The following PML variants were observed in gnomAD, a reference collection of about 807,000 sequenced individuals.
The protein encoded by PML is PML nuclear body scaffold.
Under a neutral mutation model 65.2 loss-of-function variants are expected in PML, and 28 were observed. That is an observed-to-expected ratio of 0.43 (90% CI 0.32 to 0.59). The LOEUF (loss-of-function observed/expected upper bound fraction) is 0.59, where lower values mean the gene tolerates loss of function less well. Among genes scored for constraint, PML ranks in the 20% least tolerant of loss-of-function variants. The pLI is 0.08. For synonymous variants in PML, 500 were observed against 508.8 expected (o/e 0.98, Z 0.23); for missense variants, 1,021 against 1,203.4 (o/e 0.85, Z 2.24).
In PML at chr15:73,998,245, A is replaced by G. The variant is rs1279833875; in HGVS notation, c.371A>G (p.Asp124Gly). ...CTGTCGGTGTACCGGCAGATTGTGGATGCGCAGGCTGTGTGCACCCGCTGC... is the reference window on the plus strand; with the variant it reads ...CTGTCGGTGTACCGGCAGATTGTGGGTGCGCAGGCTGTGTGCACCCGCTGC... ...RRLSVYRQIVDAQAVCTRCKE... is the reference protein window; with the variant it reads ...RRLSVYRQIVGAQAVCTRCKE... Residue 124 changes from aspartate to glycine, a missense_variant, in exon 2 of 9, where the codon GAT becomes GGT. Transcript: ENST00000268058. The G allele has an allele frequency of 6.2e-7, 1 of 1,614,062 alleles. No individual in the cohort carries two copies. The highest frequency in any genetic ancestry group is 8.5e-7 in the Non-Finnish European group (1 of 1,180,034).
chr15:73,997,812 T>A (rs1421592354), intron 1 of PML, among the ~76,000 whole-genome samples, 192 bp from the exon 2 acceptor site: 3 of 152,204 alleles, frequency 2.0e-5, no homozygotes, highest in Non-Finnish European at 4.4e-5. Context: ...CAATAAATGG[T>A]GCAGTGAGAG....
At chr15:74,018,516 TA>T (rs1213135500) in intron 2 of PML, among the ~76,000 whole-genome samples, 1 of 152,102 alleles carries the variant, frequency 6.6e-6, no homozygotes, top group Admixed American at 6.5e-5. Context: ...TTTTTTAATT[TA>T]AAAAAAGTTT....
At position 73,998,273 on chromosome 15, in the gene PML, A is replaced by T; in HGVS notation, c.399A>T (p.Lys133Asn). ...CGCAGGCTGTGTGCACCCGCTGCAAAGAGTCGGCCGACTTCTGGTGCTTTG... is the reference window on the plus strand; with the variant it reads ...CGCAGGCTGTGTGCACCCGCTGCAATGAGTCGGCCGACTTCTGGTGCTTTG... ...VDAQAVCTRC[K>N]ESADFWCFEC... is the part of the protein sequence containing the mutation. The change falls in exon 2 of 9, where the codon AAA becomes AAT. Residue 133 changes from lysine (K) to asparagine (N), a missense_variant. Transcript: ENST00000268058. The T allele has an allele frequency of 6.2e-7, 1 of 1,614,192 alleles. No individual in the cohort carries two copies. Among genetic ancestry groups the T allele is most frequent in the Non-Finnish European group, 8.5e-7 (1 of 1,180,032 alleles).
At position 74,037,875 on chromosome 15, in the gene PML, A is replaced by AGC. The variant is rs1169094359; in HGVS notation, c.1710+3346_1710+3347dup. The AGC allele has an allele frequency of 4.3e-6, 1 of 234,302 alleles. No individual in the cohort carries two copies. The highest frequency in any genetic ancestry group is 1.8e-4 in the East Asian group (1 of 5,518). 14.5% of individuals were successfully genotyped at this position (234,302 alleles called of 1,614,324 possible). On this transcript the variant is annotated intron_variant, in intron 7 of 8. Transcript: ENST00000268058. The surrounding 1 kb of genome is among the most constrained non-coding windows in gnomAD (Gnocchi z 4.2). ...CTGACTTCAGTTACTGCCCAGGGGTAGCTGATACCCAACACTCGCACCTGC... is the reference window on the plus strand; with the variant it reads ...CTGACTTCAGTTACTGCCCAGGGGTAGCGCTGATACCCAACACTCGCACCTGC...
At chr15:74,029,476 T>G (rs1165508980) in intron 4 of PML, among the ~76,000 whole-genome samples, 1 of 151,894 alleles carries the variant, frequency 6.6e-6, no homozygotes, top group Non-Finnish European at 1.5e-5. Flanking sequence ...ATACAAACAT[T>G]AGCCGGGCGT....
Position 74,023,033 on chromosome 15 carries a change from C to G in PML, c.808C>G (p.Arg270Gly). The G allele has an allele frequency of 6.2e-7, 1 of 1,605,100 alleles. No homozygotes were observed. The highest frequency in any genetic ancestry group is 8.5e-7 in the Non-Finnish European group (1 of 1,178,230). ...GCACGCGGCCGTCGGCCAGCTGGGCCGCGCGCGTGCCGAGACCGAGGAGCT... is the reference window on the plus strand; with the variant it reads ...GCACGCGGCCGTCGGCCAGCTGGGCGGCGCGCGTGCCGAGACCGAGGAGCT... ...QMHAAVGQLG[R>G]ARAETEELIR... The change falls in exon 3 of 9, where the codon CGC (arginine) becomes GGC (glycine). Residue 270 changes from arginine to glycine, a missense_variant. Physicochemically the swap from Arg to Gly is moderately radical, Grantham distance 125 (BLOSUM62 -2). Transcript: ENST00000268058.
intron 4 of PML, among the ~76,000 whole-genome samples, chr15:74,029,900 C>G (rs926136481): frequency 6.6e-6 from 1 of 152,144 alleles, no homozygotes; most frequent in African/African-American, 2.4e-5. Flanking sequence ...GGCTCACACT[C>G]TCTAATCCAG....
intron 7 of PML, chr15:74,034,939 A>G: frequency 6.9e-7 from 1 of 1,457,020 alleles, no homozygotes; most frequent in Non-Finnish European, 9.0e-7. Flanking sequence ...GCAGCTATAT[A>G]GGGGCCAAAC....
intron 2 of PML, among the ~76,000 whole-genome samples, chr15:74,018,567 T>G (rs1203340689): frequency 6.6e-6 from 1 of 152,126 alleles, no homozygotes; most frequent in Non-Finnish European, 1.5e-5. Context: ...CAGGCTGGCC[T>G]GGAACTCCTG....
chr15:74,009,306 T>C (rs1460761526), intron 2 of PML, among the ~76,000 whole-genome samples: 1 of 152,200 alleles, frequency 6.6e-6, no homozygotes, highest in Non-Finnish European at 1.5e-5. Flanking sequence ...GATTGAAGGA[T>C]TGGCACCTAT....
At position 74,035,219 on chromosome 15, in the gene PML, C is replaced by T. The variant is rs1208454528; in HGVS notation, c.1710+689C>T. 1.3e-6 allele frequency: 2 copies of T among 1,539,918 alleles called. No homozygotes were observed. ...CCGAGCCACAGTCCTCGCCAGCCCA[C>T]TCCTCGCCAGCCCACTCCTCGCCAG... On this transcript the variant is annotated intron_variant, in intron 7 of 8. Transcript: ENST00000268058. This position sits in a 1 kb window ranked among gnomAD's most constrained non-coding sequence, Gnocchi z 4.1.
chr15:74,022,704 C>G (rs1033736358), intron 2 of PML, 124 bp from the exon 3 acceptor site: 13 of 822,540 alleles, frequency 1.6e-5, no homozygotes, highest in African/African-American at 6.7e-5. Context: ...TTAGGAAAAG[C>G]AGAAACCTAG....
rs751063469 is a variant in PML at position 74,035,584 on chromosome 15, C to A, written c.1710+1054C>A. The A allele has an allele frequency of 3.7e-6, 6 of 1,612,190 alleles. No homozygotes were observed. The South Asian group carries it at 6.6e-5, about 18-fold the overall frequency. ...GGGCCCCTCAACCATCCTGCCAATG[C>A]CCAGGAACATCCTGCCCAGCTGCAA... On this transcript the variant is annotated intron_variant, in intron 7 of 8. Coordinates refer to ENST00000268058, the MANE Select transcript of PML (RefSeq NM_033238.3). The surrounding 1 kb of genome is among the most constrained non-coding windows in gnomAD (Gnocchi z 4.1).
At chr15:74,010,269 G>A (rs1203168239) in intron 2 of PML, among the ~76,000 whole-genome samples, 2 of 141,002 alleles carry the variant, frequency 1.4e-5, no homozygotes, top group African/African-American at 2.7e-5. Context: ...CTGAGCTCAG[G>A]CAATCCACCT....
intron 3 of PML, 63 bp from the exon 4 acceptor site, chr15:74,024,794 A>C (rs2071000439): frequency 1.7e-6 from 2 of 1,148,872 alleles, no homozygotes; most frequent in Non-Finnish European, 2.6e-6. Context: ...TCACTGTCCC[A>C]GGTCAGGATG....
chr15:74,035,846 A>C lies in PML; in HGVS notation c.1710+1316A>C. 6.2e-7 allele frequency: 1 copy of C among 1,613,864 alleles called. No homozygotes were observed. The highest frequency in any genetic ancestry group is 1.1e-5 in the South Asian group (1 of 91,074). On this transcript the variant is annotated intron_variant, in intron 7 of 8. Transcript: ENST00000268058. The surrounding 1 kb of genome is among the most constrained non-coding windows in gnomAD (Gnocchi z 4.1). ...TCAGAGGCTCCATGGAGGCCTCTCA[A>C]GTCCAAGTGCCTCTGGAAGCCTCTC...
chr15:74,021,716 T>C (rs1182641592), intron 2 of PML, among the ~76,000 whole-genome samples: 1 of 151,982 alleles, frequency 6.6e-6, no homozygotes, highest in African/African-American at 2.4e-5. Flanking sequence ...TACTAAAGTG[T>C]TGTCCATATT....
At chr15:74,012,498 T>A (rs2070379972) in intron 2 of PML, among the ~76,000 whole-genome samples, 1 of 151,876 alleles carries the variant, frequency 6.6e-6, no homozygotes, top group African/African-American at 2.4e-5. Flanking sequence ...TTAGTAGAGA[T>A]GGGGTTTCGC....
At chr15:74,002,128 G>A (rs925408870) in intron 2 of PML, among the ~76,000 whole-genome samples, 3 of 152,044 alleles carry the variant, frequency 2.0e-5, no homozygotes, top group Non-Finnish European at 2.9e-5. Flanking sequence ...GTGATGGTGC[G>A]ATTTCATACT....
Sources: allele counts gnomAD v4.1 joint callset (sites outside exome capture counted in the v4.1 genomes callset), GRCh38; gene constraint gnomAD v4.1.1; non-coding constraint Gnocchi (gnomAD v3.1); transcripts MANE v1.5; gene names NCBI Gene and HGNC (gene_info 2026-07-23, HGNC 2026-07-21).